The following TULP4 variants were observed in gnomAD, a reference collection of about 807,000 sequenced individuals.
TULP4 encodes tubby-related protein 4.
A neutral mutation model predicts 129.0 loss-of-function variants in TULP4; 16 were observed. The ratio of observed to expected loss-of-function variants is 0.12; its 90% CI spans 0.08 to 0.19. The LOEUF is 0.19. Ranked by LOEUF, TULP4 falls within the 10% of genes least tolerant of loss-of-function variation. The probability of loss-of-function intolerance (pLI) is 1.00; values close to 1 mark genes in which losing one functional copy is unlikely to be tolerated. For synonymous variants in TULP4, 998 were observed against 854.0 expected (o/e 1.17, Z -2.94); for missense variants, 1,842 against 2,059.1 (o/e 0.89, Z 2.04).
chr6:158,338,183 G>T (rs1273109423), intron 1 of TULP4, among the ~76,000 whole-genome samples: 1 of 152,050 alleles, frequency 6.6e-6, no homozygotes, highest in Non-Finnish European at 1.5e-5. Flanking sequence ...CTGTCACCTA[G>T]GCTGGAGTGC....
intron 9 of TULP4, among the ~76,000 whole-genome samples, chr6:158,490,978 T>A (rs1306294781): frequency 1.3e-5 from 2 of 152,240 alleles, no homozygotes; most frequent in South Asian, 2.1e-4. Flanking sequence ...AAATCCATGA[T>A]AAACATTCTT....
In TULP4 at chr6:158,507,422, G is replaced by GC. The variant is rs1780631143; in HGVS notation, c.*728_*729insC. ...ACTCAGCGTGTGACTTGTAGCAGCA[G>GC]TACGAGGGCTACACTCCTCTGCTGA... On this transcript the variant is annotated 3_prime_UTR_variant, in exon 14 of 14. Coordinates refer to ENST00000367097, the MANE Select transcript of TULP4 (RefSeq NM_020245.5). 6.6e-6 allele frequency: 1 copy of GC among 152,378 alleles called. No individual in the cohort carries two copies. The highest frequency in any genetic ancestry group is 6.5e-5 in the Admixed American group (1 of 15,300). The allele number at this position is 152,378 out of a possible 1,614,324, so 9.4% of individuals were successfully genotyped here.
chr6:158,309,020 C>T (rs1028469980), upstream of TULP4, among the ~76,000 whole-genome samples: 1 of 142,468 alleles, frequency 7.0e-6, no homozygotes, highest in African/African-American at 2.6e-5. Context: ...GGGCGGCTGG[C>T]CTGGCGGGGG....
In TULP4 at chr6:158,510,727, T is replaced by G. The variant is rs1220772920; in HGVS notation, c.*4033T>G. On this transcript the variant is annotated 3_prime_UTR_variant, in exon 14 of 14. Transcript: ENST00000367097. ...AGGAGTCTCCACGGGTGTGCCCTGCTCAGCTGGATGTCCATGAGAACAGCC... is the reference window on the plus strand; with the variant it reads ...AGGAGTCTCCACGGGTGTGCCCTGCGCAGCTGGATGTCCATGAGAACAGCC... 6.6e-6 allele frequency: 1 copy of G among 152,176 alleles called. No individual in the cohort carries two copies. The highest frequency in any genetic ancestry group is 1.5e-5 in the Non-Finnish European group (1 of 68,044). The allele number at this position is 152,176 out of a possible 1,614,324, so 9.4% of individuals were successfully genotyped here. A position where few individuals can be genotyped will look rare whatever the true frequency, so the allele number is the denominator to read the frequency against.
At chr6:158,315,109 T>A (rs1423349173) in intron 1 of TULP4, among the ~76,000 whole-genome samples, 2 of 152,190 alleles carry the variant, frequency 1.3e-5, no homozygotes, top group Non-Finnish European at 2.9e-5. Flanking sequence ...AAAATGTCAT[T>A]AAATGGTTAT....
intron 6 of TULP4, among the ~76,000 whole-genome samples, chr6:158,462,659 C>CA (rs1479183748): frequency 6.6e-6 from 1 of 151,954 alleles, no homozygotes; most frequent in African/African-American, 2.4e-5. Context: ...AGGCATGAGC[C>CA]ACCATGCCCA....
chr6:158,334,632 T>C (rs1779990563), intron 1 of TULP4, among the ~76,000 whole-genome samples: 1 of 152,168 alleles, frequency 6.6e-6, no homozygotes, highest in African/African-American at 2.4e-5. Context: ...TGTAGTTAAA[T>C]ACGGAAGCTC....
intron 1 of TULP4, among the ~76,000 whole-genome samples, chr6:158,274,360 G>A (rs537687436): frequency 2.0e-5 from 3 of 152,294 alleles, no homozygotes; most frequent in Non-Finnish European, 4.4e-5. Context: ...TCTTAGTGCT[G>A]GCCACCACCA....
rs374276033 is a variant in TULP4, at chr6:158,471,420, A to C, written c.1027-8331A>C. Among the ~76,000 whole-genome samples the C allele has an allele frequency of 8.2e-4, 125 of 152,356 alleles. 1 individual carries two copies. Among genetic ancestry groups the C allele is most frequent in the African/African-American group, 2.8e-3 (118 of 41,584 alleles). On this transcript the variant is annotated intron_variant, in intron 6 of 13. Transcript: ENST00000367097. ...GGCCAAGGAGTCGAAGGAATCTAGG[A>C]AACTGCTAAGGATACTATGGAATTG...
At chr6:158,265,752 G>A (rs1252378949) in intron 1 of TULP4, among the ~76,000 whole-genome samples, 2 of 151,998 alleles carry the variant, frequency 1.3e-5, no homozygotes, top group African/African-American at 4.8e-5. Context: ...TGAGAATGAG[G>A]ATAAGAAGAA....
chr6:158,487,633 T>C (rs187286572), intron 8 of TULP4, among the ~76,000 whole-genome samples: 2 of 152,322 alleles, frequency 1.3e-5, no homozygotes, highest in East Asian at 3.9e-4. Flanking sequence ...ACACAGAATC[T>C]CTAGAAGTAT....
At chr6:158,244,589 C>T (rs527629842) in intron 1 of TULP4, among the ~76,000 whole-genome samples, 2 of 152,214 alleles carry the variant, frequency 1.3e-5, no homozygotes, top group African/African-American at 4.8e-5. Flanking sequence ...CATGTGAGCA[C>T]ACAGCAGGAT....
intron 2 of TULP4, among the ~76,000 whole-genome samples, chr6:158,425,433 A>T (rs1008676736): frequency 6.8e-6 from 1 of 147,372 alleles, no homozygotes. Context: ...GAATCACTTG[A>T]ACCTGAGAGG....
intron 1 of TULP4, among the ~76,000 whole-genome samples, chr6:158,314,574 C>G (rs1012191418): frequency 8.5e-5 from 13 of 152,182 alleles, no homozygotes; most frequent in African/African-American, 2.9e-4. Flanking sequence ...AGGGCGCTTT[C>G]TAACCAGGGT....
chr6:158,372,127 T>TG (rs1230320714), intron 1 of TULP4, among the ~76,000 whole-genome samples: 9 of 74,662 alleles, frequency 1.2e-4, no homozygotes, highest in African/African-American at 5.4e-5. Context: ...TTTCTAGTTT[T>TG]TTTTTTTTTT....
chr6:158,422,969 C>T (rs1303356051), intron 2 of TULP4, among the ~76,000 whole-genome samples: 1 of 152,206 alleles, frequency 6.6e-6, no homozygotes, highest in Non-Finnish European at 1.5e-5. Context: ...TCTGCATTTG[C>T]ATATCAAAGG....
intron 1 of TULP4, among the ~76,000 whole-genome samples, chr6:158,236,308 CA>C (rs1177230754): frequency 6.6e-6 from 1 of 152,074 alleles, no homozygotes; most frequent in Admixed American, 6.5e-5. Flanking sequence ...AGCAAAAAGA[CA>C]AATGACAAAC....
chr6:158,506,730 C>G lies in TULP4; in HGVS notation c.*36C>G. 1 of 1,440,490 alleles carries G rather than the reference C, an allele frequency of 6.9e-7. No homozygotes were observed. The highest frequency in any genetic ancestry group is 9.8e-7 in the Non-Finnish European group (1 of 1,023,600). The allele number at this position is 1,440,490 out of a possible 1,614,324, so 89.2% of individuals were successfully genotyped here. A position where few individuals can be genotyped will look rare whatever the true frequency, so the allele number is the denominator to read the frequency against. The stretch of plus-strand genomic sequence containing the variant: ...GTGGGGAGGAGAGAGATGCAGAGAG[C>G]CTTTGGAAGAGGTCTTCGGAGATGC... On this transcript the variant is annotated 3_prime_UTR_variant, in exon 14 of 14. Coordinates refer to ENST00000367097, the MANE Select transcript of TULP4 (RefSeq NM_020245.5).
rs1055528637 is a variant in TULP4 at position 158,449,057 on chromosome 6, C to T, written c.605C>T (p.Ala202Val). 6.2e-7 allele frequency: 1 copy of T among 1,613,934 alleles called. No individual in the cohort carries two copies. Among genetic ancestry groups the T allele is most frequent in the East Asian group, 2.2e-5 (1 of 44,880 alleles). Residue 202 changes from alanine to valine, a missense_variant, in exon 4 of 14, where the codon GCC (alanine) becomes GTC (valine). Physicochemically the swap from Ala to Val is moderately conservative, Grantham distance 64. This residue lies in a region of TULP4 where 456 missense variants were observed against 534.3 expected (regional missense o/e 0.85). Transcript: ENST00000367097. The part of the protein sequence containing the change: ...IVMDCHGRML[A>V]HVLLHESDGV... ...ATGGATTGCCACGGCAGAATGCTGGCCCACGTCCTCTTGCACGAGTCAGAC... is the reference window on the plus strand; with the variant it reads ...ATGGATTGCCACGGCAGAATGCTGGTCCACGTCCTCTTGCACGAGTCAGAC...
Sources: gnomAD v4.1 joint callset for allele counts (sites outside exome capture counted in the v4.1 genomes callset) on GRCh38, gnomAD v4.1.1 for gene constraint, gnomAD v4.1.1 regional missense constraint, MANE v1.5 for transcripts, NCBI Gene and HGNC (gene_info 2026-07-23, HGNC 2026-07-21) for gene names.